The following PWWP3A variants were observed in gnomAD, a reference collection of about 807,000 sequenced individuals.
PWWP3A encodes the protein PWWP domain-containing DNA repair factor 3A.
A neutral mutation model predicts 79.0 loss-of-function variants in PWWP3A; 53 were observed. The ratio of observed to expected loss-of-function variants is 0.67; its 90% CI spans 0.54 to 0.84. PWWP3A has a LOEUF of 0.84. Among genes scored for constraint, PWWP3A ranks in the 40% least tolerant of loss-of-function variants. The pLI, the probability that PWWP3A is intolerant of heterozygous loss-of-function variation, is 0.00. For synonymous variants in PWWP3A, 443 were observed against 394.4 expected (o/e 1.12, Z -1.46); for missense variants, 973 against 948.0 (o/e 1.03, Z -0.35).
At position 1,360,083 on chromosome 19, in the gene PWWP3A, G is replaced by GACCA. The variant is rs749744727; in HGVS notation, c.215-53_215-52insACCA. ...GAGCTTCTAAAGCGATGCCGTGACC[G>GACCA]CAGTGCCTGTGCAGTGAACGTAACC... On this transcript the variant is annotated intron_variant, in intron 4 of 13. Coordinates refer to ENST00000591337, the MANE Select transcript of PWWP3A (RefSeq NM_001369789.1). The surrounding 1 kb of genome is among the most constrained non-coding windows in gnomAD (Gnocchi z 4.4). 2.7e-6 allele frequency: 4 copies of GACCA among 1,489,858 alleles called. No individual in the cohort carries two copies. The highest frequency in any genetic ancestry group is 1.8e-6 in the Non-Finnish European group (2 of 1,121,324). The allele number at this position is 1,489,858 out of a possible 1,614,324, so 92.3% of individuals were successfully genotyped here.
chr19:1,373,018 C>G (rs2082294577), intron 12 of PWWP3A, 54 bp from the exon 13 acceptor site: 2 of 1,563,166 alleles, frequency 1.3e-6, no homozygotes, highest in Non-Finnish European at 1.8e-6. Context: ...CCGCAGGCCA[C>G]TTGGGGCCAG....
At chr19:1,365,810 C>T (rs946527064) in intron 7 of PWWP3A, among the ~76,000 whole-genome samples, 3 of 152,250 alleles carry the variant, frequency 2.0e-5, no homozygotes, top group Admixed American at 6.5e-5. Flanking sequence ...GAAGGGCCAT[C>T]GGAGGCGCTG....
At chr19:1,373,371 T>C in intron 13 of PWWP3A, 1 of 587,970 alleles carries the variant, frequency 1.7e-6, no homozygotes, top group Non-Finnish European at 3.0e-6. Context: ...GTCTCCCAGC[T>C]GGTCGCTGTG....
intron 8 of PWWP3A, 125 bp from the exon 9 acceptor site, chr19:1,367,035 A>C: frequency 1.4e-6 from 1 of 705,322 alleles, no homozygotes; most frequent in South Asian, 1.9e-5. Context: ...GTCACCTTCC[A>C]TAAATAAGCT....
chr19:1,365,454 C>A (rs904831989), intron 7 of PWWP3A, among the ~76,000 whole-genome samples: 2 of 152,268 alleles, frequency 1.3e-5, no homozygotes, highest in Non-Finnish European at 2.9e-5. Context: ...AATCCAGAGA[C>A]GCCTTTGTTG....
In PWWP3A at chr19:1,377,479, C is replaced by T. The variant is rs1489189929; in HGVS notation, c.*903C>T. The T allele has an allele frequency of 1.3e-5, 2 of 152,366 alleles. No homozygotes were observed. Among genetic ancestry groups the T allele is most frequent in the Non-Finnish European group, 2.9e-5 (2 of 68,176 alleles). 9.4% of individuals were successfully genotyped at this position (152,366 alleles called of 1,614,324 possible). A position where few individuals can be genotyped will look rare whatever the true frequency, so the allele number is the denominator to read the frequency against. On this transcript the variant is annotated 3_prime_UTR_variant, in exon 14 of 14. Transcript: ENST00000591337. ...GTGCCCGCCATGGCAGAAGCGCAGC[C>T]TTTGTATGGAGGCCCAACCGCGCTC...
At chr19:1,362,425 G>C in intron 6 of PWWP3A, 74 bp downstream of exon 6, 2 of 1,172,870 alleles carry the variant, frequency 1.7e-6, no homozygotes, top group African/African-American at 1.5e-5. Context: ...CTCCGAGACC[G>C]GGCCCCACAT....
rs1372524400 is a variant in PWWP3A at position 1,360,443 on chromosome 19, G to A, written c.522G>A (p.Val174=). The change falls in exon 5 of 14, where the codon GTG becomes GTA. Residue 174 remains valine (V), a synonymous_variant. Transcript: ENST00000591337. This position sits in a 1 kb window ranked among gnomAD's most constrained non-coding sequence, Gnocchi z 4.4. ...FTCEKDPECK[V]DHKKGLRKSE... Reference sequence around the variant, plus strand: ...GTGAAAAGGACCCCGAGTGCAAAGTGGACCACAAGAAGGGGCTCAGGAAAA... The same window carrying A: ...GTGAAAAGGACCCCGAGTGCAAAGTAGACCACAAGAAGGGGCTCAGGAAAA... 1 of 1,614,138 alleles carries A rather than the reference G, an allele frequency of 6.2e-7. No homozygotes were observed. The highest frequency in any genetic ancestry group is 1.7e-5 in the Admixed American group (1 of 60,032).
chr19:1,367,658 G>A (rs1204439686), intron 9 of PWWP3A, among the ~76,000 whole-genome samples: 3 of 152,250 alleles, frequency 2.0e-5, no homozygotes, highest in African/African-American at 7.2e-5. Flanking sequence ...CTCAAGTGCT[G>A]CAGTGAGCCT....
chr19:1,375,089 C>T (rs1182370633), intron 13 of PWWP3A, among the ~76,000 whole-genome samples: 14 of 150,762 alleles, frequency 9.3e-5, no homozygotes, highest in Non-Finnish European at 5.9e-5. Flanking sequence ...CATGGTGGCA[C>T]GCGCCTATAG....
intron 1 of PWWP3A, among the ~76,000 whole-genome samples, 194 bp from the exon 2 acceptor site, chr19:1,356,130 G>T (rs186857900): frequency 2.6e-5 from 4 of 152,232 alleles, no homozygotes; most frequent in Admixed American, 2.6e-4. Context: ...AAATGCAGGC[G>T]CCTCCCTGGA....
At position 1,368,084 on chromosome 19, in the gene PWWP3A, C is replaced by G. The variant is rs2082166980; in HGVS notation, c.1422+864C>G. On this transcript the variant is annotated intron_variant, in intron 9 of 13. Coordinates refer to ENST00000591337, the MANE Select transcript of PWWP3A (RefSeq NM_001369789.1). This position sits in a 1 kb window ranked among gnomAD's most constrained non-coding sequence, Gnocchi z 4.7. ...GGACTACAGGCAGGCACCAGCACAC[C>G]CGGCTAATTTTTGTATTTTTAGTAG... is the stretch of plus-strand genomic sequence containing the variant. Among the ~76,000 whole-genome samples, 2 of 152,052 alleles carry G rather than the reference C, an allele frequency of 1.3e-5. No individual in the cohort carries two copies. Among genetic ancestry groups the G allele is most frequent in the Admixed American group, 6.6e-5 (1 of 15,258 alleles).
rs2081887080 is a variant in PWWP3A at position 1,357,015 on chromosome 19, G to C, written c.64G>C (p.Ala22Pro). 6.2e-7 allele frequency: 1 copy of C among 1,612,862 alleles called. No homozygotes were observed. The highest frequency in any genetic ancestry group is 8.5e-7 in the Non-Finnish European group (1 of 1,179,652). ...EKRLWPAKVL[A>P]RTATSTKNKR... Reference sequence around the variant, plus strand: ...TCTTTTGTTTTAAATGTAGGTTTTGGCCCGAACCGCGACTTCAACAAAAAA... The same window carrying C: ...TCTTTTGTTTTAAATGTAGGTTTTGCCCCGAACCGCGACTTCAACAAAAAA... The change falls in exon 3 of 14, where the codon GCC (alanine) becomes CCC (proline). Residue 22 changes from alanine (A) to proline (P), a missense_variant. By Grantham distance (27) the Ala-to-Pro change is conservative (BLOSUM62 -1). Coordinates refer to ENST00000591337, the MANE Select transcript of PWWP3A (RefSeq NM_001369789.1).
chr19:1,366,873 C>G (rs1302718666), intron 8 of PWWP3A, among the ~76,000 whole-genome samples: 1 of 152,254 alleles, frequency 6.6e-6, no homozygotes, highest in Admixed American at 6.5e-5. Flanking sequence ...CCGGTGTCAT[C>G]TGGTACTTCT....
At position 1,369,643 on chromosome 19, in the gene PWWP3A, A is replaced by G. The variant is rs1178203029; in HGVS notation, c.1546A>G (p.Ile516Val). The G allele has an allele frequency of 1.9e-6, 3 of 1,614,110 alleles. No homozygotes were observed. The highest frequency in any genetic ancestry group is 1.7e-5 in the Admixed American group (1 of 60,008). The change falls in exon 11 of 14, where the codon ATA becomes GTA. Residue 516 changes from isoleucine (I) to valine (V), a missense_variant. By Grantham distance (29) the Ile-to-Val change is conservative (BLOSUM62 3). Transcript: ENST00000591337. This position sits in a 1 kb window ranked among gnomAD's most constrained non-coding sequence, Gnocchi z 4.0. Reference protein sequence around the residue: ...GSFLEYYAADISYPVRKSIQQ... With the variant: ...GSFLEYYAADVSYPVRKSIQQ... ...TTTCCTGGAATATTACGCGGCTGAT[A>G]TAAGTAAGTCTACAGGCACATCTTG...
At chr19:1,371,218 GT>G in intron 12 of PWWP3A, 140 bp downstream of exon 12, 1 of 933,062 alleles carries the variant, frequency 1.1e-6, no homozygotes, top group Non-Finnish European at 1.7e-6. Flanking sequence ...GGCCTCCTGT[GT>G]TTACATCCTG....
intron 13 of PWWP3A, chr19:1,374,482 T>G (rs2082323921): frequency 1.3e-5 from 2 of 152,244 alleles, no homozygotes; most frequent in South Asian, 4.1e-4. Flanking sequence ...CCTCTTGTTC[T>G]TTTAGAGTTG....
Position 1,369,432 on chromosome 19 carries a change from G to A in PWWP3A, c.1498+92G>A. 1 of 1,520,974 alleles carries A rather than the reference G, an allele frequency of 6.6e-7. No individual in the cohort carries two copies. Among genetic ancestry groups the A allele is most frequent in the Non-Finnish European group, 9.1e-7 (1 of 1,098,788 alleles). 94.2% of individuals were successfully genotyped at this position (1,520,974 alleles called of 1,614,324 possible). On this transcript the variant is annotated intron_variant, in intron 10 of 13. Transcript: ENST00000591337. The surrounding 1 kb of genome is among the most constrained non-coding windows in gnomAD (Gnocchi z 4.0). ...CGGGCTGGGCCGGAGCTGCCTGGAGGCGGGGCATATTTCCGTGGGCCTGGG... is the reference window on the plus strand; with the variant it reads ...CGGGCTGGGCCGGAGCTGCCTGGAGACGGGGCATATTTCCGTGGGCCTGGG...
intron 5 of PWWP3A, 59 bp downstream of exon 5, chr19:1,361,091 C>G: frequency 1.5e-6 from 2 of 1,354,792 alleles, no homozygotes; most frequent in Non-Finnish European, 1.9e-6. Flanking sequence ...CCTCCGCAGC[C>G]AGACTGGGAG....
Sources: allele counts gnomAD v4.1 joint callset (sites outside exome capture counted in the v4.1 genomes callset), GRCh38; gene constraint gnomAD v4.1.1; non-coding constraint Gnocchi (gnomAD v3.1); transcripts MANE v1.5; gene names NCBI Gene and HGNC (gene_info 2026-07-23, HGNC 2026-07-21).